The following ERG variants were observed in gnomAD, a reference collection of about 807,000 sequenced individuals.
The protein encoded by ERG is ETS transcription factor ERG, also known as transcriptional regulator ERG.
Under a neutral mutation model 55.3 loss-of-function variants are expected in ERG, and 9 were observed. The ratio of observed to expected loss-of-function variants is 0.16; its 90% CI spans 0.10 to 0.28. ERG has a LOEUF of 0.28. Ranked by LOEUF, ERG falls within the 10% of genes least tolerant of loss-of-function variation. The pLI is 1.00. For synonymous variants in ERG, 223 were observed against 237.3 expected, an observed-to-expected ratio of 0.94 and a Z score of 0.55; for missense variants, 434 against 631.6, an observed-to-expected ratio of 0.69 and a Z score of 3.35.
intron 1 of ERG, among the ~76,000 whole-genome samples, chr21:38,463,339 A>C (rs943212311): frequency 2.0e-5 from 3 of 152,198 alleles, no homozygotes; most frequent in Non-Finnish European, 4.4e-5. Context: ...CTCATTCTGC[A>C]TGTGGTTGAC....
the ERG span, among the ~76,000 whole-genome samples, chr21:38,367,988 C>T: frequency 7.9e-5 from 12 of 152,118 alleles, no homozygotes; most frequent in African/African-American, 1.4e-4. Flanking sequence ...CCTCTGGACC[C>T]GTGATGGGAA....
At chr21:38,594,606 G>A (rs900147954) in intron 1 of ERG, among the ~76,000 whole-genome samples, 3 of 152,142 alleles carry the variant, frequency 2.0e-5, no homozygotes, top group Admixed American at 6.5e-5. Context: ...CAGATGAAGG[G>A]GCCACATAGC....
chr21:38,651,794 AGAGT>A (rs1295113715), intron 1 of ERG, among the ~76,000 whole-genome samples: 4 of 152,164 alleles, frequency 2.6e-5, no homozygotes, highest in Non-Finnish European at 4.4e-5. Flanking sequence ...TACACACAGC[AGAGT>A]CCCATGGGTG....
chr21:38,571,341 T>A (rs1276119495), intron 2 of ERG, among the ~76,000 whole-genome samples: 1 of 151,438 alleles, frequency 6.6e-6, no homozygotes, highest in Non-Finnish European at 1.5e-5. Context: ...TGAGACCTTG[T>A]CTCTACAAAA....
chr21:38,474,127 A>C (rs892439128), intron 1 of ERG: 2 of 152,190 alleles, frequency 1.3e-5, no homozygotes, highest in Admixed American at 1.3e-4. Flanking sequence ...TTTAACTGTG[A>C]GAGGTAAAAC....
rs1160450255 is a variant in ERG at position 38,380,720 on chromosome 21, A to C, written c.*2683T>G. On this transcript the variant is annotated 3_prime_UTR_variant, in exon 10 of 10. Transcript: ENST00000288319. ...TTATCATGTTATCCAAAATTATCCCAGTTGCTCATAAGACTTGCTAATAAC... is the reference window on the plus strand; with the variant it reads ...TTATCATGTTATCCAAAATTATCCCCGTTGCTCATAAGACTTGCTAATAAC... 9 of 1,064,960 alleles carry C rather than the reference A, an allele frequency of 8.5e-6. No homozygotes were observed. Among genetic ancestry groups the C allele is most frequent in the Non-Finnish European group, 9.1e-6 (8 of 879,198 alleles). 66.0% of individuals were successfully genotyped at this position (1,064,960 alleles called of 1,614,324 possible).
At chr21:38,616,582 T>C (rs558769965) in intron 1 of ERG, among the ~76,000 whole-genome samples, 3 of 151,784 alleles carry the variant, frequency 2.0e-5, no homozygotes, top group East Asian at 2.0e-4. Context: ...ATAAGATATA[T>C]GGCCTGTAAA....
At chr21:38,586,705 T>G (rs1372522719), upstream of ERG, among the ~76,000 whole-genome samples, 2 of 152,172 alleles carry the variant, frequency 1.3e-5, no homozygotes, top group Admixed American at 1.3e-4. Flanking sequence ...ACTATATGTT[T>G]TACAAATGTA....
intron 1 of ERG, among the ~76,000 whole-genome samples, chr21:38,631,750 G>A (rs2060358185): frequency 6.6e-6 from 1 of 151,826 alleles, no homozygotes; most frequent in African/African-American, 2.4e-5. Flanking sequence ...TGACCTCTTG[G>A]TAGCCGTGAC....
intron 1 of ERG, among the ~76,000 whole-genome samples, chr21:38,623,031 A>G (rs1167918505): frequency 6.9e-6 from 1 of 144,134 alleles, no homozygotes; most frequent in Non-Finnish European, 1.5e-5. Flanking sequence ...CACACACACC[A>G]CATACACACA....
intron 1 of ERG, among the ~76,000 whole-genome samples, chr21:38,490,038 T>C (rs1038241610): frequency 6.6e-6 from 1 of 152,212 alleles, no homozygotes; most frequent in African/African-American, 2.4e-5. Flanking sequence ...CAGGACCTGC[T>C]GTGCAGTGTC....
At chr21:38,410,967 C>T (rs1989020095) in intron 3 of ERG, among the ~76,000 whole-genome samples, 1 of 152,182 alleles carries the variant, frequency 6.6e-6, no homozygotes, top group Non-Finnish European at 1.5e-5. Context: ...AGCCATATCA[C>T]AAGCCTAGTG....
chr21:38,546,116 T>C (rs2059786378), intron 2 of ERG, among the ~76,000 whole-genome samples: 1 of 152,196 alleles, frequency 6.6e-6, no homozygotes, highest in African/African-American at 2.4e-5. Flanking sequence ...GCACTTACTG[T>C]CATTGCCCTG....
At chr21:38,368,236 G>GT in the ERG span, among the ~76,000 whole-genome samples, 406 of 151,894 alleles carry the variant, frequency 2.7e-3, 3 homozygotes, top group African/African-American at 9.3e-3. Context: ...GCTTTTCCTC[G>GT]TTTTTTTGTT....
At chr21:38,459,529 G>A (rs1419882196) in intron 1 of ERG, among the ~76,000 whole-genome samples, 1 of 152,164 alleles carries the variant, frequency 6.6e-6, no homozygotes, top group Non-Finnish European at 1.5e-5. Context: ...CTGCTACACT[G>A]ACAACCTGAA....
At position 38,383,859 on chromosome 21, in the gene ERG, G is replaced by A. The variant is rs1470737855; in HGVS notation, c.984C>T (p.Ser328=). 1.9e-6 allele frequency: 3 copies of A among 1,613,974 alleles called. No homozygotes were observed. Among genetic ancestry groups the A allele is most frequent in the African/African-American group, 2.7e-5 (2 of 74,924 alleles). Residue 328 remains serine (S), a synonymous_variant, in exon 10 of 10, where the codon AGC becomes AGT. Transcript: ENST00000288319. This position sits in a 1 kb window ranked among gnomAD's most constrained non-coding sequence, Gnocchi z 5.7. ...CGTTGGTGCCTTCCCAGGTGATGCA[G>A]CTGGAGTTGGAGCTGTCCGACAGGA... ...LELLSDSSNS[S]CITWEGTNGE...
At chr21:38,535,078 T>C (rs1448922471) in intron 2 of ERG, among the ~76,000 whole-genome samples, 10 of 152,090 alleles carry the variant, frequency 6.6e-5, no homozygotes, top group African/African-American at 1.9e-4. Context: ...AAGCCCAGTA[T>C]GTATTAGCTA....
At chr21:38,533,208 A>G (rs2059685048) in intron 2 of ERG, among the ~76,000 whole-genome samples, 1 of 152,030 alleles carries the variant, frequency 6.6e-6, no homozygotes, top group Admixed American at 6.5e-5. Flanking sequence ...CAGACAGAGC[A>G]AAGCACCAGC....
At chr21:38,395,128 T>C (rs1311817742) in intron 6 of ERG, among the ~76,000 whole-genome samples, 1 of 152,208 alleles carries the variant, frequency 6.6e-6, no homozygotes, top group Non-Finnish European at 1.5e-5. Context: ...CATAAACATA[T>C]TGCCGCGGAA....
Sources: gnomAD v4.1 joint callset for allele counts (sites outside exome capture counted in the v4.1 genomes callset) on GRCh38, gnomAD v4.1.1 for gene constraint, Gnocchi (gnomAD v3.1) non-coding constraint, MANE v1.5 for transcripts, NCBI Gene and HGNC (gene_info 2026-07-23, HGNC 2026-07-21) for gene names.